ADI1: variants seen among roughly 807,000 people sequenced by gnomAD.
The protein encoded by ADI1 is acireductone dioxygenase.
In ADI1, 21 loss-of-function variants were observed where a neutral mutation model predicts 18.7. That is an observed-to-expected ratio of 1.13 (90% CI 0.80 to 1.62). The LOEUF (loss-of-function observed/expected upper bound fraction) is 1.62, where lower values mean the gene tolerates loss of function less well. ADI1 is among the 40% of genes most tolerant of loss of function. The probability of loss-of-function intolerance (pLI) is 0.00; values close to 1 mark genes in which losing one functional copy is unlikely to be tolerated. For synonymous variants in ADI1, 90 were observed against 100.1 expected (o/e 0.90, Z 0.60); for missense variants, 245 against 254.9 (o/e 0.96, Z 0.26).
chr2:3,519,147 G>A, intron 1 of ADI1: 1 of 521,386 alleles, frequency 1.9e-6, no homozygotes. Flanking sequence ...AGCACACCCA[G>A]GCGCCGCGCA....
Position 3,518,870 on chromosome 2 carries a change from T to G in ADI1, c.120+498A>C, listed in dbSNP as rs544637079. Among the ~76,000 whole-genome samples the G allele has an allele frequency of 3.3e-3, 510 of 152,314 alleles. 6 individuals carry two copies. Among genetic ancestry groups the G allele is most frequent in the Middle Eastern group, 0.01 (3 of 294 alleles). ...CCTGCCGGCCGACCCTTCAGGTCGC[T>G]GCCAATCCCGGAGCTGCGCGTGCGC... is the stretch of plus-strand genomic sequence containing the variant. On this transcript the variant is annotated intron_variant, in intron 1 of 3. Transcript: ENST00000327435.
At position 3,510,657 on chromosome 2, in the gene ADI1, T is replaced by C. The variant is rs1667278477; in HGVS notation, c.240+3200A>G. ...AGGATAATAGAAAATATTCCAAATATTTTTATGGCAATAAATTTGACAACT... is the reference window on the plus strand; with the variant it reads ...AGGATAATAGAAAATATTCCAAATACTTTTATGGCAATAAATTTGACAACT... On this transcript the variant is annotated intron_variant, in intron 2 of 3. Coordinates refer to ENST00000327435, the MANE Select transcript of ADI1 (RefSeq NM_018269.4). Among the ~76,000 whole-genome samples, 3 of 152,158 alleles carry C rather than the reference T, an allele frequency of 2.0e-5. No homozygotes were observed. In the South Asian group the frequency reaches 6.2e-4, roughly 32 times the overall value.
intron 2 of ADI1, among the ~76,000 whole-genome samples, chr2:3,502,962 G>A (rs1558425345): frequency 6.6e-6 from 1 of 152,092 alleles, no homozygotes; most frequent in African/African-American, 2.4e-5. Context: ...ACAGTGAGAG[G>A]AAAGATACAA....
chr2:3,507,965 C>A (rs59997289), intron 2 of ADI1, among the ~76,000 whole-genome samples: 2 of 150,558 alleles, frequency 1.3e-5, no homozygotes, highest in African/African-American at 2.4e-5. Context: ...TAATGATAAG[C>A]TAAGAGGAGA....
At chr2:3,505,789 T>C (rs904859821) in intron 2 of ADI1, among the ~76,000 whole-genome samples, 1 of 152,136 alleles carries the variant, frequency 6.6e-6, no homozygotes, top group African/African-American at 2.4e-5. Flanking sequence ...GCAGGTGGTG[T>C]CTTTGGGAGG....
intron 2 of ADI1, among the ~76,000 whole-genome samples, chr2:3,501,219 G>T (rs143553937): frequency 6.6e-6 from 1 of 152,206 alleles, no homozygotes; most frequent in Non-Finnish European, 1.5e-5. Flanking sequence ...AACTGAAAGT[G>T]AACAGACCTG....
chr2:3,517,195 G>A (rs1667427722), intron 1 of ADI1: 1 of 152,392 alleles, frequency 6.6e-6, no homozygotes, highest in South Asian at 2.1e-4. Context: ...GTCTTCCTGA[G>A]TCAGAATAAT....
At chr2:3,499,455 C>G (rs1558423478) in intron 3 of ADI1, among the ~76,000 whole-genome samples, 4 of 152,262 alleles carry the variant, frequency 2.6e-5, no homozygotes, top group Middle Eastern at 6.8e-3. Flanking sequence ...GCATCAGGGC[C>G]CACATGTTGC....
Position 3,514,853 on chromosome 2 carries a change from G to A in ADI1, c.121-877C>T, listed in dbSNP as rs565994208. 3,002 of 1,548,658 alleles carry A rather than the reference G, an allele frequency of 1.9e-3. 83 individuals carry two copies. The South Asian group carries it at 0.034, about 17-fold the overall frequency. On this transcript the variant is annotated intron_variant, in intron 1 of 3. Transcript: ENST00000327435. ...TGCAGGAAGTCAGGGACCCCGAATG[G>A]AGGGACCGGCTGGAGCCATGGCAGA... is the stretch of plus-strand genomic sequence containing the variant.
At chr2:3,512,101 C>A (rs1667305163) in intron 2 of ADI1, among the ~76,000 whole-genome samples, 1 of 152,192 alleles carries the variant, frequency 6.6e-6, no homozygotes, top group Non-Finnish European at 1.5e-5. Flanking sequence ...GGAAGCAGAG[C>A]AGAAAAGTTT....
chr2:3,515,616 CTT>C (rs1667389197), intron 1 of ADI1: 1 of 152,176 alleles, frequency 6.6e-6, no homozygotes, highest in Admixed American at 6.5e-5. Flanking sequence ...AGCATGTGAT[CTT>C]TGTTAGACCC....
rs1572242349 is a variant in ADI1 at position 3,519,473 on chromosome 2, C to T, written c.15G>A (p.Trp5Ter). The change falls in exon 1 of 4, where the codon TGG becomes TGA. Residue 5 changes from tryptophan (W) to a stop codon, truncating the protein, a stop_gained. Transcript: ENST00000327435. LOFTEE classifies it high-confidence loss of function. The stretch of plus-strand genomic sequence containing the variant: ...GGTCGCCCGGGGCGTCGTCCATATA[C>T]CAGGCCTGCACCATGACGCGCAGTG... The part of the protein sequence containing the change: MVQA[W>*]YMDDAPGDPR... 1.5e-6 allele frequency: 2 copies of T among 1,350,234 alleles called. No individual in the cohort carries two copies. The highest frequency in any genetic ancestry group is 1.9e-6 in the Non-Finnish European group (2 of 1,053,446). The allele number at this position is 1,350,234 out of a possible 1,614,324, so 83.6% of individuals were successfully genotyped here.
In ADI1 at chr2:3,498,690, T is replaced by C. The variant is rs1264290103; in HGVS notation, c.*273A>G. On this transcript the variant is annotated 3_prime_UTR_variant, in exon 4 of 4. Coordinates refer to ENST00000327435, the MANE Select transcript of ADI1 (RefSeq NM_018269.4). ...AACTGCATTTCGGGAGATGAAACTT[T>C]CATTTGGGACTCAACTGAATGCATG... 1 of 356,416 alleles carries C rather than the reference T, an allele frequency of 2.8e-6. No individual in the cohort carries two copies. The highest frequency in any genetic ancestry group is 2.1e-5 in the African/African-American group (1 of 47,840). 22.1% of individuals were successfully genotyped at this position (356,416 alleles called of 1,614,324 possible).
At chr2:3,501,219 G>A (rs143553937) in intron 2 of ADI1, among the ~76,000 whole-genome samples, 1 of 152,324 alleles carries the variant, frequency 6.6e-6, no homozygotes, top group Admixed American at 6.5e-5. Context: ...AACTGAAAGT[G>A]AACAGACCTG....
At chr2:3,518,042 G>A (rs953059006) in intron 1 of ADI1, among the ~76,000 whole-genome samples, 2 of 152,168 alleles carry the variant, frequency 1.3e-5, no homozygotes, top group African/African-American at 4.8e-5. Flanking sequence ...TGGTTGTTTG[G>A]ATTGTGGATA....
At chr2:3,512,969 G>C (rs1001131562) in intron 2 of ADI1, among the ~76,000 whole-genome samples, 4 of 152,366 alleles carry the variant, frequency 2.6e-5, no homozygotes, top group South Asian at 4.1e-4. Context: ...CCCATTCCTT[G>C]CACCAGTGTG....
chr2:3,503,433 TCA>T lies in ADI1; in HGVS notation c.241-2442_241-2441del, dbSNP rs1207768007. Among the ~76,000 whole-genome samples, 7 of 148,836 alleles carry T rather than the reference TCA, an allele frequency of 4.7e-5. 3 individuals are homozygous for T. The highest frequency in any genetic ancestry group is 7.4e-5 in the Non-Finnish European group (5 of 67,392). Reference sequence around the variant, plus strand: ...TGCACACGTACACACACGAGTGCATTCACACTCATGCACACATACGGACGTAC... The same window carrying T: ...TGCACACGTACACACACGAGTGCATTCACTCATGCACACATACGGACGTAC... On this transcript the variant is annotated intron_variant, in intron 2 of 3. Coordinates refer to ENST00000327435, the MANE Select transcript of ADI1 (RefSeq NM_018269.4).
rs188722062 is a variant in ADI1, at chr2:3,509,926, C to G, written c.240+3931G>C. ...TGGGAGGCCAAGACAGGAGGATCACCTGAGATCAGGAGTTTGAGACCAGCC... is the reference window on the plus strand; with the variant it reads ...TGGGAGGCCAAGACAGGAGGATCACGTGAGATCAGGAGTTTGAGACCAGCC... On this transcript the variant is annotated intron_variant, in intron 2 of 3. Coordinates refer to ENST00000327435, the MANE Select transcript of ADI1 (RefSeq NM_018269.4). Among the ~76,000 whole-genome samples the G allele has an allele frequency of 9.2e-5, 14 of 151,992 alleles. No homozygotes were observed. The East Asian group carries it at 2.7e-3, about 29-fold the overall frequency.
At position 3,513,873 on chromosome 2, in the gene ADI1, G is replaced by A. The variant is rs753706656; in HGVS notation, c.224C>T (p.Pro75Leu). ...CTCCCTTACCTTTTCTTCATAATTT[G>A]GTAGTTTATCTTTGCATATGGTTAT... The part of the protein sequence containing the change: ...DIITICKDKL[P>L]NYEEKIKMFY... The change falls in exon 2 of 4, where the codon CCA becomes CTA. Residue 75 changes from proline (P) to leucine (L), a missense_variant. Physicochemically the swap from Pro to Leu is moderately conservative, Grantham distance 98. Transcript: ENST00000327435. The A allele has an allele frequency of 4.4e-6, 7 of 1,603,126 alleles. No homozygotes were observed. Among genetic ancestry groups the A allele is most frequent in the East Asian group, 2.2e-5 (1 of 44,666 alleles).
Sources: gnomAD v4.1 joint callset for allele counts (sites outside exome capture counted in the v4.1 genomes callset) on GRCh38, gnomAD v4.1.1 for gene constraint, MANE v1.5 for transcripts, NCBI Gene and HGNC (gene_info 2026-07-23, HGNC 2026-07-21) for gene names.